PCCA: variants seen among roughly 807,000 people sequenced by gnomAD.
PCCA encodes propionyl-CoA carboxylase subunit alpha.
Under a neutral mutation model 101.3 loss-of-function variants are expected in PCCA, and 74 were observed. The observed-to-expected ratio is 0.73, with a 90% CI of 0.61 to 0.89. PCCA has a LOEUF of 0.89. Among genes scored for constraint, PCCA ranks in the 40% least tolerant of loss-of-function variants. PCCA has a pLI of 0.00. For synonymous variants in PCCA, 294 were observed against 313.6 expected (o/e 0.94, Z 0.66); for missense variants, 891 against 907.0 (o/e 0.98, Z 0.23).
At chr13:100,482,298 G>A (rs1207642921) in intron 21 of PCCA, among the ~76,000 whole-genome samples, 11 of 152,152 alleles carry the variant, frequency 7.2e-5, no homozygotes, top group Non-Finnish European at 1.5e-5. Context: ...ATGCAGAGTC[G>A]AGAGAGAATT....
intron 12 of PCCA, among the ~76,000 whole-genome samples, chr13:100,289,096 ATATT>A (rs1391943262): frequency 1.3e-5 from 2 of 152,156 alleles, no homozygotes; most frequent in Non-Finnish European, 2.9e-5. Flanking sequence ...ATATTTTTAA[ATATT>A]TATATACAGT....
intron 20 of PCCA, among the ~76,000 whole-genome samples, chr13:100,435,761 C>T (rs962470790): frequency 4.6e-5 from 7 of 152,046 alleles, no homozygotes; most frequent in Non-Finnish European, 7.4e-5. Flanking sequence ...AAAGTATAGG[C>T]GGCCAGGTGT....
chr13:100,530,284 C>G lies in PCCA; in HGVS notation c.*118C>G, dbSNP rs2088310337. 1.2e-6 allele frequency: 1 copy of G among 829,934 alleles called. No individual in the cohort carries two copies. Among genetic ancestry groups the G allele is most frequent in the African/African-American group, 1.7e-5 (1 of 59,832 alleles). The allele number at this position is 829,934 out of a possible 1,614,324, so 51.4% of individuals were successfully genotyped here. A position where few individuals can be genotyped will look rare whatever the true frequency, so the allele number is the denominator to read the frequency against. On this transcript the variant is annotated 3_prime_UTR_variant, in exon 24 of 24. Transcript: ENST00000376285. ...CCCTGTGCAGCTACGTTTACGTCGT[C>G]ATTTATTCCACAGAGTCAAGACCAA...
At chr13:100,119,623 G>A (rs1174059414) in intron 4 of PCCA, among the ~76,000 whole-genome samples, 3 of 152,102 alleles carry the variant, frequency 2.0e-5, no homozygotes, top group Admixed American at 1.3e-4. Context: ...GAACCACAGA[G>A]ATACGAGCAT....
chr13:100,144,997 C>G (rs1201778192), intron 4 of PCCA, among the ~76,000 whole-genome samples: 1 of 152,152 alleles, frequency 6.6e-6, no homozygotes, highest in Non-Finnish European at 1.5e-5. Flanking sequence ...GTGATTCTTC[C>G]ACACTCAGTG....
chr13:100,373,296 G>A (rs2075692209), intron 19 of PCCA, among the ~76,000 whole-genome samples: 1 of 152,202 alleles, frequency 6.6e-6, no homozygotes, highest in Non-Finnish European at 1.5e-5. Flanking sequence ...GTACCGGTGA[G>A]GGTGTGGAGA....
intron 21 of PCCA, among the ~76,000 whole-genome samples, chr13:100,487,751 G>C (rs927065926): frequency 1.2e-4 from 19 of 152,074 alleles, no homozygotes; most frequent in South Asian, 6.2e-4. Flanking sequence ...TTGAGACAGG[G>C]TCTCCCTCTG....
intron 20 of PCCA, among the ~76,000 whole-genome samples, chr13:100,429,331 G>A (rs991779022): frequency 6.6e-6 from 1 of 151,774 alleles, no homozygotes; most frequent in African/African-American, 2.4e-5. Context: ...GTGTTTGTGT[G>A]TCTCTTTGCA....
At chr13:100,117,738 G>A (rs1469314826) in intron 4 of PCCA, among the ~76,000 whole-genome samples, 1 of 151,820 alleles carries the variant, frequency 6.6e-6, no homozygotes, top group South Asian at 2.1e-4. Flanking sequence ...AAACCTGCAC[G>A]TTGTGCACAT....
chr13:100,469,725 A>G (rs1427630436), intron 21 of PCCA, among the ~76,000 whole-genome samples: 1 of 151,304 alleles, frequency 6.6e-6, no homozygotes, highest in African/African-American at 2.4e-5. Context: ...GGTTGCAGTA[A>G]GCCGAGATCT....
intron 11 of PCCA, among the ~76,000 whole-genome samples, chr13:100,270,730 T>G (rs939581492): frequency 6.6e-6 from 1 of 152,118 alleles, no homozygotes; most frequent in Admixed American, 6.5e-5. Flanking sequence ...AAGAATCGGC[T>G]GGGCATGGTG....
chr13:100,259,909 G>C (rs2062366222), intron 9 of PCCA, among the ~76,000 whole-genome samples: 2 of 152,118 alleles, frequency 1.3e-5, no homozygotes, highest in Admixed American at 6.5e-5. Flanking sequence ...ATAATTGAAT[G>C]TCACCAGTGA....
intron 7 of PCCA, among the ~76,000 whole-genome samples, chr13:100,216,323 T>C (rs1054299080): frequency 1.3e-5 from 2 of 152,198 alleles, no homozygotes; most frequent in African/African-American, 4.8e-5. Flanking sequence ...CGAGGAAGCA[T>C]GTGATTGGAA....
intron 18 of PCCA, among the ~76,000 whole-genome samples, chr13:100,345,606 T>C (rs1342661944): frequency 1.3e-5 from 2 of 152,206 alleles, no homozygotes; most frequent in Admixed American, 1.3e-4. Flanking sequence ...TGCAGCAAGT[T>C]ATCCAGAAGA....
intron 21 of PCCA, among the ~76,000 whole-genome samples, chr13:100,509,913 G>C (rs933953962): frequency 1.3e-5 from 2 of 151,892 alleles, no homozygotes; most frequent in Non-Finnish European, 2.9e-5. Flanking sequence ...TTGCCCTGTG[G>C]ATGGGTCAGA....
intron 20 of PCCA, among the ~76,000 whole-genome samples, chr13:100,431,125 A>T (rs900812225): frequency 6.6e-6 from 1 of 152,064 alleles, no homozygotes; most frequent in African/African-American, 2.4e-5. Flanking sequence ...CAGACTACTT[A>T]GGTTTTTCCT....
At chr13:100,377,686 G>A (rs188088203) in intron 19 of PCCA, among the ~76,000 whole-genome samples, 45 of 152,052 alleles carry the variant, frequency 3.0e-4, no homozygotes, top group Non-Finnish European at 5.6e-4. Flanking sequence ...AGTAGAGACA[G>A]GGTTTCACCG....
intron 6 of PCCA, among the ~76,000 whole-genome samples, chr13:100,182,276 T>C (rs1183576365): frequency 6.6e-6 from 1 of 151,894 alleles, no homozygotes; most frequent in East Asian, 1.9e-4. Flanking sequence ...TTTGTATTTT[T>C]AGTAGAGACG....
chr13:100,352,106 G>A (rs1408211851), intron 18 of PCCA, among the ~76,000 whole-genome samples: 1 of 151,852 alleles, frequency 6.6e-6, no homozygotes. Flanking sequence ...AATAGAGGGA[G>A]AAAAAAGATA....
Sources: allele counts gnomAD v4.1 joint callset (sites outside exome capture counted in the v4.1 genomes callset), GRCh38; gene constraint gnomAD v4.1.1; transcripts MANE v1.5; gene names NCBI Gene and HGNC (gene_info 2026-07-23, HGNC 2026-07-21).